PTPRM: variants seen among roughly 807,000 people sequenced by gnomAD.
PTPRM encodes receptor-type tyrosine-protein phosphatase mu.
PTPRM carries 47 observed loss-of-function variants against 186.7 expected under a neutral mutation model. That is an observed-to-expected ratio of 0.25 (90% CI 0.20 to 0.32). The LOEUF (loss-of-function observed/expected upper bound fraction) is 0.32. Ranked by LOEUF, PTPRM falls within the 10% of genes least tolerant of loss-of-function variation. The probability of loss-of-function intolerance (pLI) is 1.00; values close to 1 mark genes in which losing one functional copy is unlikely to be tolerated. For synonymous variants in PTPRM, 668 were observed against 674.9 expected, an observed-to-expected ratio of 0.99 and a Z score of 0.16; for missense variants, 1,494 against 1,865.0, an observed-to-expected ratio of 0.80 and a Z score of 3.66.
intron 2 of PTPRM, among the ~76,000 whole-genome samples, chr18:7,800,659 A>G (rs966179917): frequency 2.0e-5 from 3 of 152,226 alleles, no homozygotes; most frequent in African/African-American, 7.2e-5. Context: ...ACAGTTGGTC[A>G]TATAGTCATG....
intron 19 of PTPRM, among the ~76,000 whole-genome samples, chr18:8,265,594 T>A (rs1182693118): frequency 6.6e-6 from 1 of 152,210 alleles, no homozygotes; most frequent in Non-Finnish European, 1.5e-5. Flanking sequence ...CTTATTAACC[T>A]CATGGCAGAG....
chr18:7,665,215 G>A (rs1038053072), intron 1 of PTPRM, among the ~76,000 whole-genome samples: 5 of 152,130 alleles, frequency 3.3e-5, no homozygotes, highest in African/African-American at 4.8e-5. Context: ...TTCAACTTAT[G>A]TATTTCGATA....
intron 14 of PTPRM, among the ~76,000 whole-genome samples, chr18:8,232,098 A>G (rs935749310): frequency 6.6e-6 from 1 of 152,180 alleles, no homozygotes; most frequent in African/African-American, 2.4e-5. Flanking sequence ...TTAACCTTTG[A>G]CAATCACTAA....
chr18:7,603,752 G>A (rs2143773742), intron 1 of PTPRM, among the ~76,000 whole-genome samples: 1 of 152,322 alleles, frequency 6.6e-6, no homozygotes, highest in African/African-American at 2.4e-5. Context: ...CAGGGATCAT[G>A]CTGTGGAACA....
At position 7,677,815 on chromosome 18, in the gene PTPRM, GC is replaced by G. The variant is rs537829186; in HGVS notation, c.74-96333del. On this transcript the variant is annotated intron_variant, in intron 1 of 32. Coordinates refer to ENST00000580170, the MANE Select transcript of PTPRM (RefSeq NM_001105244.2). ...GAGAAGCCCACACGCCATGTAAAGA[GC>G]AGTACCCACTCCCTTGTCCTGTTGC... Among the ~76,000 whole-genome samples, 75 of 152,210 alleles carry G rather than the reference GC, an allele frequency of 4.9e-4. 1 individual carries two copies. In the South Asian group the frequency reaches 0.013, roughly 27 times the overall value.
In PTPRM at chr18:7,774,142, A is replaced by G. The variant is rs771443299; in HGVS notation, c.74-7A>G. On this transcript the variant is annotated splice_polypyrimidine_tract_variant and splice_region_variant and intron_variant, in intron 1 of 32. Transcript: ENST00000580170. ...TTTACATTACTTTTTATTCTTTTAC[A>G]TTTTAGGTGGCTGCCTCTTTGATGA... 3.7e-6 allele frequency: 6 copies of G among 1,603,976 alleles called. No homozygotes were observed. The highest frequency in any genetic ancestry group is 5.1e-6 in the Non-Finnish European group (6 of 1,171,792).
At chr18:7,925,336 G>A (rs1461834805) in intron 4 of PTPRM, among the ~76,000 whole-genome samples, 1 of 152,186 alleles carries the variant, frequency 6.6e-6, no homozygotes, top group African/African-American at 2.4e-5. Flanking sequence ...TTTGCATGCT[G>A]AGCATCATGA....
At chr18:8,301,113 G>A (rs2095152796) in intron 20 of PTPRM, among the ~76,000 whole-genome samples, 1 of 152,148 alleles carries the variant, frequency 6.6e-6, no homozygotes, top group South Asian at 2.1e-4. Flanking sequence ...TAAGGAATTG[G>A]GAATTCAGTC....
rs2036468219 is a variant in PTPRM, at chr18:7,567,972, A to G, written c.73+81A>G. 1.0e-5 allele frequency: 14 copies of G among 1,392,310 alleles called. No individual in the cohort carries two copies. In the South Asian group the frequency reaches 1.9e-4, roughly 19 times the overall value. The allele number at this position is 1,392,310 out of a possible 1,614,324, so 86.2% of individuals were successfully genotyped here. A position where few individuals can be genotyped will look rare whatever the true frequency, so the allele number is the denominator to read the frequency against. On this transcript the variant is annotated intron_variant, in intron 1 of 32. Transcript: ENST00000580170. This position sits in a 1 kb window ranked among gnomAD's most constrained non-coding sequence, Gnocchi z 4.3. ...GGGACGCCGACAGCTCCCTGGTGGT[A>G]GAGCCCTAAGGCTGGCGTCGGGGCC...
chr18:7,910,758 A>G (rs2050220742), intron 4 of PTPRM, among the ~76,000 whole-genome samples: 1 of 152,194 alleles, frequency 6.6e-6, no homozygotes, highest in Admixed American at 6.5e-5. Context: ...AGGTACTTTC[A>G]ATTTTTCATC....
intron 14 of PTPRM, among the ~76,000 whole-genome samples, chr18:8,173,152 T>C (rs996839892): frequency 3.9e-5 from 6 of 152,132 alleles, no homozygotes. Context: ...ACCATGTACC[T>C]AGACAATTTT....
At chr18:7,922,736 C>G (rs1195607342) in intron 4 of PTPRM, among the ~76,000 whole-genome samples, 1 of 151,924 alleles carries the variant, frequency 6.6e-6, no homozygotes, top group African/African-American at 2.4e-5. Context: ...TCTATGCCAC[C>G]ATTTCAGAAC....
intron 2 of PTPRM, among the ~76,000 whole-genome samples, chr18:7,880,543 A>G (rs1567960268): frequency 6.6e-6 from 1 of 152,212 alleles, no homozygotes; most frequent in African/African-American, 2.4e-5. Context: ...TAGGAGGGAT[A>G]TATGATATCT....
Position 7,687,531 on chromosome 18 carries a change from G to A in PTPRM, c.74-86618G>A, listed in dbSNP as rs929059162. On this transcript the variant is annotated intron_variant, in intron 1 of 32. Coordinates refer to ENST00000580170, the MANE Select transcript of PTPRM (RefSeq NM_001105244.2). ...AATTTAAAAATCCGCTGCTACCATA[G>A]TTGCTTTAGGAAACCTTCCTGATGA... Among the ~76,000 whole-genome samples the A allele has an allele frequency of 7.9e-5, 12 of 152,148 alleles. No homozygotes were observed. The East Asian group carries it at 2.1e-3, about 27-fold the overall frequency.
chr18:8,127,057 T>C (rs1037421052), intron 13 of PTPRM, among the ~76,000 whole-genome samples: 3 of 151,874 alleles, frequency 2.0e-5, no homozygotes, highest in Non-Finnish European at 4.4e-5. Context: ...AGTTTTGCAC[T>C]GTGTACTCCA....
chr18:7,591,778 A>T (rs2037132725), intron 1 of PTPRM, among the ~76,000 whole-genome samples: 1 of 152,220 alleles, frequency 6.6e-6, no homozygotes, highest in South Asian at 2.1e-4. Context: ...AAAACGAAAG[A>T]TAATAAATAG....
At chr18:7,819,976 A>G (rs1244517263) in intron 2 of PTPRM, among the ~76,000 whole-genome samples, 1 of 152,230 alleles carries the variant, frequency 6.6e-6, no homozygotes, top group East Asian at 1.9e-4. Context: ...GAAGTGATAC[A>G]TAAAGTGGAT....
At chr18:7,841,086 C>T (rs545241893) in intron 2 of PTPRM, among the ~76,000 whole-genome samples, 1 of 152,156 alleles carries the variant, frequency 6.6e-6, no homozygotes, top group South Asian at 2.1e-4. Flanking sequence ...AGATCTCATA[C>T]AAGGAATTTC....
At chr18:7,886,755 C>T (rs1599291914) in intron 2 of PTPRM, among the ~76,000 whole-genome samples, 1 of 152,142 alleles carries the variant, frequency 6.6e-6, no homozygotes, top group Non-Finnish European at 1.5e-5. Flanking sequence ...AAACCTGGCT[C>T]ACCTCATAGC....
Sources: gnomAD v4.1 joint callset for allele counts (sites outside exome capture counted in the v4.1 genomes callset) on GRCh38, gnomAD v4.1.1 for gene constraint, Gnocchi (gnomAD v3.1) non-coding constraint, MANE v1.5 for transcripts, NCBI Gene and HGNC (gene_info 2026-07-23, HGNC 2026-07-21) for gene names.